The following FAM241A variants were observed in gnomAD, a reference collection of about 807,000 sequenced individuals.
FAM241A encodes uncharacterized protein FAM241A.
Under a neutral mutation model 12.2 loss-of-function variants are expected in FAM241A, and 7 were observed. The ratio of observed to expected loss-of-function variants is 0.58; its 90% CI spans 0.33 to 1.08. The LOEUF (loss-of-function observed/expected upper bound fraction) is 1.08. Among genes scored for constraint, FAM241A ranks in the 50% least tolerant of loss-of-function variants. The pLI, the probability that FAM241A is intolerant of heterozygous loss-of-function variation, is 0.04. For missense variants in FAM241A, 161 were observed against 169.7 expected (o/e 0.95, Z 0.29); for synonymous variants, 74 against 68.2 (o/e 1.08, Z -0.42).
chr4:112,179,914 G>GACATATAT lies in FAM241A; in HGVS notation c.154-6778_154-6777insCATATATA, dbSNP rs1479640205. The stretch of plus-strand genomic sequence containing the variant: ...ATGGTGGATTGCATAAAGAAAATGT[G>GACATATAT]ATATATATATATATATATATATATG... On this transcript the variant is annotated intron_variant, in intron 1 of 1. Coordinates refer to ENST00000309733, the MANE Select transcript of FAM241A (RefSeq NM_152400.3). Among the ~76,000 whole-genome samples the GACATATAT allele has an allele frequency of 8.4e-3, 994 of 117,696 alleles. 43 individuals are homozygous for GACATATAT. The highest frequency in any genetic ancestry group is 0.029 in the African/African-American group (831 of 28,838). 77.2% of individuals were successfully genotyped at this position (117,696 alleles called of 152,430 possible).
rs371935654 is a variant in FAM241A at position 112,193,661 on chromosome 4, C to T, written c.*6723C>T. ...TTGTCAAAGATCAGATAGCTGTAGA[C>T]ATGCGGCGTTATTTCTGAGGGCTCT... On this transcript the variant is annotated 3_prime_UTR_variant, in exon 2 of 2. Coordinates refer to ENST00000309733, the MANE Select transcript of FAM241A (RefSeq NM_152400.3). 11 of 152,226 alleles carry T rather than the reference C, an allele frequency of 7.2e-5. No homozygotes were observed. Among genetic ancestry groups the T allele is most frequent in the African/African-American group, 1.4e-4 (6 of 41,424 alleles). 9.4% of individuals were successfully genotyped at this position (152,226 alleles called of 1,614,324 possible). A position where few individuals can be genotyped will look rare whatever the true frequency, so the allele number is the denominator to read the frequency against.
At chr4:112,170,064 T>C (rs1723684421) in intron 1 of FAM241A, among the ~76,000 whole-genome samples, 1 of 152,198 alleles carries the variant, frequency 6.6e-6, no homozygotes, top group Non-Finnish European at 1.5e-5. Context: ...TAGTCTAAAA[T>C]CCCTCTGAGA....
intron 1 of FAM241A, among the ~76,000 whole-genome samples, chr4:112,149,671 A>G (rs1296493853): frequency 6.6e-6 from 1 of 152,224 alleles, no homozygotes; most frequent in Non-Finnish European, 1.5e-5. Flanking sequence ...GCCAGTTGGA[A>G]ACCATCCATG....
intron 1 of FAM241A, among the ~76,000 whole-genome samples, chr4:112,147,913 C>T (rs922818292): frequency 3.3e-5 from 5 of 152,026 alleles, no homozygotes; most frequent in Non-Finnish European, 5.9e-5. Flanking sequence ...ACGCTCACTT[C>T]GTGTTCCGGA....
chr4:112,156,453 C>T (rs1252420715), intron 1 of FAM241A, among the ~76,000 whole-genome samples: 1 of 152,150 alleles, frequency 6.6e-6, no homozygotes, highest in Non-Finnish European at 1.5e-5. Context: ...TATTCTCTGC[C>T]ACTCCTCACT....
intron 1 of FAM241A, among the ~76,000 whole-genome samples, chr4:112,175,133 C>T (rs1273693276): frequency 2.0e-5 from 3 of 152,132 alleles, no homozygotes; most frequent in African/African-American, 4.8e-5. Flanking sequence ...AAATCCAACT[C>T]CTACTAGATT....
chr4:112,184,655 T>TAA (rs1317984345), intron 1 of FAM241A, among the ~76,000 whole-genome samples: 3 of 152,240 alleles, frequency 2.0e-5, no homozygotes, highest in African/African-American at 7.2e-5. Context: ...TGGTACTCAT[T>TAA]ACTGTACATA....
At chr4:112,158,259 G>A (rs2110422906) in intron 1 of FAM241A, among the ~76,000 whole-genome samples, 1 of 152,180 alleles carries the variant, frequency 6.6e-6, no homozygotes, top group East Asian at 1.9e-4. Flanking sequence ...ATTTGGCTAC[G>A]ATTTTCAGGC....
chr4:112,150,399 G>A (rs1234497149), intron 1 of FAM241A, among the ~76,000 whole-genome samples: 3 of 152,210 alleles, frequency 2.0e-5, no homozygotes, highest in Non-Finnish European at 4.4e-5. Flanking sequence ...ATAAATACTA[G>A]TAGCTCTTAG....
chr4:112,193,222 A>G lies in FAM241A; in HGVS notation c.*6284A>G, dbSNP rs974798025. The G allele has an allele frequency of 6.6e-6, 1 of 151,178 alleles. No individual in the cohort carries two copies. The highest frequency in any genetic ancestry group is 2.1e-4 in the South Asian group (1 of 4,776). 9.4% of individuals were successfully genotyped at this position (151,178 alleles called of 1,614,324 possible). A position where few individuals can be genotyped will look rare whatever the true frequency, so the allele number is the denominator to read the frequency against. ...TGTTTTTTTCTTGTAAATTTGTTTG[A>G]GTTCATTGTAGATTCTGGATATTAG... On this transcript the variant is annotated 3_prime_UTR_variant, in exon 2 of 2. Transcript: ENST00000309733.
intron 1 of FAM241A, among the ~76,000 whole-genome samples, chr4:112,158,028 A>C (rs1478926948): frequency 6.6e-6 from 1 of 152,150 alleles, no homozygotes; most frequent in Non-Finnish European, 1.5e-5. Flanking sequence ...CATCAATAAA[A>C]ATATCCAATG....
chr4:112,167,468 T>C (rs1723622685), intron 1 of FAM241A, among the ~76,000 whole-genome samples: 1 of 152,212 alleles, frequency 6.6e-6, no homozygotes, highest in Admixed American at 6.5e-5. Context: ...TTAGAGCAGA[T>C]GGTTATGAAC....
At chr4:112,167,288 A>G (rs186564069) in intron 1 of FAM241A, among the ~76,000 whole-genome samples, 1 of 152,280 alleles carries the variant, frequency 6.6e-6, no homozygotes, top group African/African-American at 2.4e-5. Context: ...AAGATGCCCT[A>G]TAGATAAGCC....
chr4:112,195,125 C>G lies in FAM241A; in HGVS notation c.*8187C>G, dbSNP rs977205309. ...AAACTTTTTTGTGAGCAGAAATTCTCAAGTATCGAAGCGTGGTGTTTTAGG... is the reference window on the plus strand; with the variant it reads ...AAACTTTTTTGTGAGCAGAAATTCTGAAGTATCGAAGCGTGGTGTTTTAGG... On this transcript the variant is annotated 3_prime_UTR_variant, in exon 2 of 2. Coordinates refer to ENST00000309733, the MANE Select transcript of FAM241A (RefSeq NM_152400.3). 1.3e-5 allele frequency: 2 copies of G among 152,216 alleles called. No homozygotes were observed. 9.4% of individuals were successfully genotyped at this position (152,216 alleles called of 1,614,324 possible).
chr4:112,155,347 G>T (rs575632967), intron 1 of FAM241A, among the ~76,000 whole-genome samples: 300 of 152,088 alleles, frequency 2.0e-3, no homozygotes, highest in Non-Finnish European at 2.9e-3. Context: ...GTATTTTTCT[G>T]TTTATAATCA....
intron 1 of FAM241A, among the ~76,000 whole-genome samples, chr4:112,158,371 A>G: frequency 6.6e-6 from 1 of 152,140 alleles, no homozygotes; most frequent in East Asian, 1.9e-4. Flanking sequence ...TCATTGTATT[A>G]TATAAATGTT....
chr4:112,185,827 G>T (rs762034073), intron 1 of FAM241A, among the ~76,000 whole-genome samples: 10 of 152,210 alleles, frequency 6.6e-5, no homozygotes, highest in African/African-American at 9.6e-5. Flanking sequence ...AGGCACTATT[G>T]CTGTCGGAGT....
At chr4:112,152,823 T>A (rs1008824838) in intron 1 of FAM241A, among the ~76,000 whole-genome samples, 11 of 152,210 alleles carry the variant, frequency 7.2e-5, no homozygotes, top group African/African-American at 2.7e-4. Context: ...TGATCCTGAT[T>A]ACTTAATCCG....
chr4:112,193,117 A>T lies in FAM241A; in HGVS notation c.*6179A>T, dbSNP rs1355653045. On this transcript the variant is annotated 3_prime_UTR_variant, in exon 2 of 2. Coordinates refer to ENST00000309733, the MANE Select transcript of FAM241A (RefSeq NM_152400.3). ...GGTCAGTGATGGTGAGCATTTTTTC[A>T]TGTGTTTTTTGGCTGCATAAATGTC... The T allele has an allele frequency of 2.0e-5, 3 of 151,572 alleles. No individual in the cohort carries two copies. Among genetic ancestry groups the T allele is most frequent in the Non-Finnish European group, 4.4e-5 (3 of 67,882 alleles). 9.4% of individuals were successfully genotyped at this position (151,572 alleles called of 1,614,324 possible). A position where few individuals can be genotyped will look rare whatever the true frequency, so the allele number is the denominator to read the frequency against.
Sources: allele counts gnomAD v4.1 joint callset (sites outside exome capture counted in the v4.1 genomes callset), GRCh38; gene constraint gnomAD v4.1.1; transcripts MANE v1.5; gene names NCBI Gene and HGNC (gene_info 2026-07-23, HGNC 2026-07-21).